The following PTPRT variants were observed in gnomAD, a reference collection of about 807,000 sequenced individuals.
PTPRT encodes the protein receptor-type tyrosine-protein phosphatase T.
Under a neutral mutation model 176.8 loss-of-function variants are expected in PTPRT, and 56 were observed. The observed-to-expected ratio is 0.32, with a 90% CI of 0.26 to 0.40. PTPRT has a LOEUF of 0.40. Among genes scored for constraint, PTPRT ranks in the 10% least tolerant of loss-of-function variants. The probability of loss-of-function intolerance (pLI) is 1.00; values close to 1 mark genes in which losing one functional copy is unlikely to be tolerated. For missense variants in PTPRT, 1,540 were observed against 1,908.2 expected, an observed-to-expected ratio of 0.81 and a Z score of 3.60; for synonymous variants, 783 against 739.0, an observed-to-expected ratio of 1.06 and a Z score of -0.96.
At chr20:42,894,252 AC>A (rs1187963910) in intron 1 of PTPRT, among the ~76,000 whole-genome samples, 10 of 152,176 alleles carry the variant, frequency 6.6e-5, no homozygotes, top group Non-Finnish European at 1.2e-4. Context: ...GACAGCTGAG[AC>A]TGCTAAGGAG....
chr20:42,353,228 A>G (rs6016758), intron 9 of PTPRT, among the ~76,000 whole-genome samples: 115,690 of 152,068 alleles, frequency 0.76, 44,115 homozygotes, highest in East Asian at 0.9. Flanking sequence ...AATTATTTAT[A>G]AGTCTTGTTA....
chr20:42,503,606 T>A (rs1213501989), intron 7 of PTPRT, among the ~76,000 whole-genome samples: 2 of 152,170 alleles, frequency 1.3e-5, no homozygotes, highest in Non-Finnish European at 2.9e-5. Context: ...TTTTTGTAAT[T>A]GTTTTATGTA....
chr20:42,728,613 C>A (rs1011973923), intron 6 of PTPRT, among the ~76,000 whole-genome samples: 1 of 152,146 alleles, frequency 6.6e-6, no homozygotes, highest in African/African-American at 2.4e-5. Context: ...TCAGAATCTT[C>A]TAAGGTAAAG....
intron 6 of PTPRT, among the ~76,000 whole-genome samples, chr20:42,713,383 G>A (rs531482232): frequency 6.6e-5 from 10 of 152,172 alleles, no homozygotes; most frequent in Non-Finnish European, 1.3e-4. Context: ...ATTCCCAAAA[G>A]CACATTCTGA....
chr20:43,080,509 G>A (rs1293208538), intron 1 of PTPRT, among the ~76,000 whole-genome samples: 1 of 152,174 alleles, frequency 6.6e-6, no homozygotes. Context: ...TGAGATCACT[G>A]TATGGTTATT....
At chr20:42,300,257 CAAAAAAA>C (rs761176814) in intron 12 of PTPRT, among the ~76,000 whole-genome samples, 5 of 49,630 alleles carry the variant, frequency 1.0e-4, no homozygotes, top group South Asian at 1.9e-3. Context: ...AACTCCGTCT[CAAAAAAA>C]AAAAAAAAAA....
intron 2 of PTPRT, among the ~76,000 whole-genome samples, chr20:42,798,183 T>G (rs528645372): frequency 1.3e-5 from 2 of 152,318 alleles, no homozygotes; most frequent in African/African-American, 4.8e-5. Flanking sequence ...AATATCACTT[T>G]CCCTACATGG....
chr20:42,950,795 G>A (rs6030567), intron 1 of PTPRT, among the ~76,000 whole-genome samples: 42 of 152,348 alleles, frequency 2.8e-4, no homozygotes, highest in African/African-American at 1.0e-3. Context: ...CTTTCTAGCA[G>A]GCAAGGAAAC....
chr20:42,542,552 T>C (rs1038253997), intron 7 of PTPRT, among the ~76,000 whole-genome samples: 2 of 152,176 alleles, frequency 1.3e-5, no homozygotes, highest in African/African-American at 4.8e-5. Context: ...ACAAGCACTG[T>C]TATGTAATTC....
At chr20:42,817,200 C>T (rs560484513) in intron 2 of PTPRT, among the ~76,000 whole-genome samples, 1 of 152,126 alleles carries the variant, frequency 6.6e-6, no homozygotes, top group South Asian at 2.1e-4. Context: ...AAGAAAAGCA[C>T]TTTAAGTAAA....
At chr20:42,353,336 G>A (rs1034554783) in intron 9 of PTPRT, among the ~76,000 whole-genome samples, 2 of 152,132 alleles carry the variant, frequency 1.3e-5, no homozygotes, top group Non-Finnish European at 2.9e-5. Flanking sequence ...AATCCTTGGG[G>A]GCATCAGGAT....
chr20:42,720,524 G>A (rs564892352), intron 6 of PTPRT, among the ~76,000 whole-genome samples: 3 of 152,092 alleles, frequency 2.0e-5, no homozygotes, highest in Non-Finnish European at 4.4e-5. Flanking sequence ...AGGGTCAAAG[G>A]CAAGAAAAAA....
At chr20:42,397,673 G>A (rs2058864835) in intron 9 of PTPRT, among the ~76,000 whole-genome samples, 1 of 152,150 alleles carries the variant, frequency 6.6e-6, no homozygotes, top group African/African-American at 2.4e-5. Context: ...GTAACACATT[G>A]CTTTATTTGA....
At chr20:43,135,481 C>T (rs1023520773) in intron 1 of PTPRT, among the ~76,000 whole-genome samples, 1 of 152,300 alleles carries the variant, frequency 6.6e-6, no homozygotes, top group Non-Finnish European at 1.5e-5. Context: ...AAAATATTCA[C>T]ATTGATGGTC....
At chr20:42,776,344 C>T (rs893626620) in intron 4 of PTPRT, among the ~76,000 whole-genome samples, 9 of 152,100 alleles carry the variant, frequency 5.9e-5, no homozygotes, top group Non-Finnish European at 1.2e-4. Flanking sequence ...AGCAGCAGGG[C>T]CTTTAAAGAC....
intron 16 of PTPRT, among the ~76,000 whole-genome samples, chr20:42,166,734 C>G (rs1989840133): frequency 6.6e-6 from 1 of 152,076 alleles, no homozygotes; most frequent in Non-Finnish European, 1.5e-5. Context: ...GTCTAGCCAA[C>G]ATGGTGAAAC....
chr20:42,694,123 C>A (rs1360293975), intron 6 of PTPRT, among the ~76,000 whole-genome samples: 1 of 151,598 alleles, frequency 6.6e-6, no homozygotes, highest in Non-Finnish European at 1.5e-5. Context: ...ACTGCAACCT[C>A]CACCTCCCAG....
At chr20:42,765,588 C>T (rs551215440) in intron 5 of PTPRT, among the ~76,000 whole-genome samples, 23 of 151,720 alleles carry the variant, frequency 1.5e-4, no homozygotes, top group South Asian at 1.0e-3. Context: ...AAAAGAATAG[C>T]GATGAAAATA....
chr20:43,079,276 T>G (rs980557335), intron 1 of PTPRT, among the ~76,000 whole-genome samples: 1 of 146,906 alleles, frequency 6.8e-6, no homozygotes, highest in Admixed American at 6.9e-5. Context: ...TTTCTGTTCT[T>G]CTGCCTCACC....
Sources: allele counts gnomAD v4.1 joint callset (sites outside exome capture counted in the v4.1 genomes callset), GRCh38; gene constraint gnomAD v4.1.1; transcripts MANE v1.5; gene names NCBI Gene and HGNC (gene_info 2026-07-23, HGNC 2026-07-21).